RDH13: variants seen among roughly 807,000 people sequenced by gnomAD.
RDH13 encodes retinol dehydrogenase 13.
RDH13 carries 35 observed loss-of-function variants against 28.3 expected under a neutral mutation model. That is an observed-to-expected ratio of 1.24 (90% CI 0.95 to 1.64). The LOEUF is 1.64. Ranked by LOEUF, RDH13 falls within the 40% of genes most tolerant of loss-of-function variation. The pLI is 0.00. For missense variants in RDH13, 514 were observed against 446.3 expected (o/e 1.15, Z -1.37); for synonymous variants, 229 against 198.5 (o/e 1.15, Z -1.29).
intron 2 of RDH13, among the ~76,000 whole-genome samples, chr19:55,058,186 T>C (rs1012135925): frequency 4.0e-5 from 6 of 151,842 alleles, no homozygotes; most frequent in Non-Finnish European, 8.8e-5. Context: ...CCAAGGCAGG[T>C]GGATCACCTG....
At position 55,045,079 on chromosome 19, in the gene RDH13, T is replaced by C. The variant is rs1602696126; in HGVS notation, c.991A>G (p.Arg331Gly). ...TTTCAAATCTGCTCCAGAGGTTATC[T>C]GGGGAGGGGCTGCTCCCTCACAGAG... ...APSVREQPLP[R>G] is the part of the protein sequence containing the mutation. The change falls in exon 7 of 7, where the codon AGA becomes GGA. Residue 331 changes from arginine to glycine, a missense_variant. Coordinates refer to ENST00000415061, the MANE Select transcript of RDH13 (RefSeq NM_001145971.2). 9 of 1,597,044 alleles carry C rather than the reference T, an allele frequency of 5.6e-6. No homozygotes were observed. The highest frequency in any genetic ancestry group is 7.7e-6 in the Non-Finnish European group (9 of 1,172,428).
upstream of RDH13, among the ~76,000 whole-genome samples, chr19:55,066,498 T>C (rs1490790439): frequency 1.6e-5 from 1 of 61,470 alleles, no homozygotes; most frequent in Non-Finnish European, 3.5e-5. Flanking sequence ...TTTCTCTCTC[T>C]CTCTCCCTCT....
chr19:55,059,379 C>T (rs1456267115), intron 1 of RDH13, 104 bp from the exon 2 acceptor site: 1 of 696,546 alleles, frequency 1.4e-6, no homozygotes, highest in Admixed American at 2.3e-5. Flanking sequence ...ACTCACATAC[C>T]CCAACTGAAA....
intron 3 of RDH13, among the ~76,000 whole-genome samples, chr19:55,052,580 C>T (rs564271378): frequency 3.3e-5 from 5 of 151,516 alleles, no homozygotes; most frequent in Non-Finnish European, 7.4e-5. Flanking sequence ...GCAGCCTCAA[C>T]CTCCCAGGCT....
downstream of RDH13, chr19:55,040,360 G>C (rs964366226): frequency 6.6e-6 from 1 of 152,346 alleles, no homozygotes; most frequent in African/African-American, 2.4e-5. Context: ...GGGTTTCACC[G>C]TGTTAGCCAG....
At chr19:55,042,674 T>TC (rs1396273650), downstream of RDH13, 1 of 152,004 alleles carries the variant, frequency 6.6e-6, no homozygotes, top group Non-Finnish European at 1.5e-5. Context: ...GTCTTCCAAT[T>TC]CCCCCTCCTG....
At chr19:55,050,846 A>C (rs1022260953) in intron 3 of RDH13, 3 of 151,840 alleles carry the variant, frequency 2.0e-5, no homozygotes, top group Non-Finnish European at 2.9e-5. Flanking sequence ...ACACACAGAC[A>C]CCATCTGGTT....
downstream of RDH13, chr19:55,040,432 A>C (rs941365028): frequency 2.0e-5 from 3 of 152,248 alleles, no homozygotes; most frequent in African/African-American, 7.2e-5. Context: ...TACAGGCATG[A>C]GCCACCGCGC....
rs1482472865 is a variant in RDH13 at position 55,047,501 on chromosome 19, GAA to G, written c.659-15_659-14del. Reference sequence around the variant, plus strand: ...GTCACACCAGAGCCTGGGGAAGAAAGAAAGAGAAGACTGAGGGAGGGGTCCAG... The same window carrying G: ...GTCACACCAGAGCCTGGGGAAGAAAGAGAGAAGACTGAGGGAGGGGTCCAG... On this transcript the variant is annotated splice_polypyrimidine_tract_variant and intron_variant, in intron 5 of 6. Transcript: ENST00000415061. The G allele has an allele frequency of 1.3e-6, 2 of 1,599,256 alleles. No individual in the cohort carries two copies. The highest frequency in any genetic ancestry group is 1.7e-6 in the Non-Finnish European group (2 of 1,177,890).
downstream of RDH13, chr19:55,042,994 C>CT (rs1454552322): frequency 2.0e-5 from 3 of 152,272 alleles, no homozygotes; most frequent in African/African-American, 7.2e-5. Flanking sequence ...AAGCCAGTCG[C>CT]TACATCTCCC....
At chr19:55,043,006 C>G (rs1233353300), downstream of RDH13, 1 of 152,262 alleles carries the variant, frequency 6.6e-6, no homozygotes, top group East Asian at 1.9e-4. Context: ...ACATCTCCCC[C>G]ACACTCAAAG....
At chr19:55,047,622 T>A in intron 5 of RDH13, 134 bp from the exon 6 acceptor site, 3 of 1,407,010 alleles carry the variant, frequency 2.1e-6, no homozygotes, top group Non-Finnish European at 2.8e-6. Flanking sequence ...TCCCTCTTGC[T>A]CTGGAATCTT....
intron 3 of RDH13, among the ~76,000 whole-genome samples, chr19:55,054,993 C>G (rs1319010496): frequency 2.0e-5 from 3 of 152,134 alleles, no homozygotes; most frequent in East Asian, 3.9e-4. Context: ...TTAGTGTATT[C>G]TTGAGTCTAT....
chr19:55,058,846 A>G lies in RDH13; in HGVS notation c.184+311T>C, dbSNP rs60718650. 3.6e-3 allele frequency among the ~76,000 whole-genome samples: 542 copies of G among 152,144 alleles called. 4 individuals carry two copies. The highest frequency in any genetic ancestry group is 0.012 in the African/African-American group (514 of 41,518). On this transcript the variant is annotated intron_variant, in intron 2 of 6. Transcript: ENST00000415061. ...CAGGTGCCCACCACAACTCCTGGCT[A>G]ATTTTTGTATTTTTAGTAGAGAGGG... is the stretch of plus-strand genomic sequence containing the variant.
In RDH13 at chr19:55,045,091, G is replaced by C. The variant is rs2075163194; in HGVS notation, c.979C>G (p.Gln327Glu). 1.2e-6 allele frequency: 2 copies of C among 1,605,982 alleles called. No homozygotes were observed. The highest frequency in any genetic ancestry group is 8.5e-7 in the Non-Finnish European group (1 of 1,176,358). The change falls in exon 7 of 7, where the codon CAG becomes GAG. Residue 327 changes from glutamine (Q) to glutamate (E), a missense_variant. Transcript: ENST00000415061. ...VGLEAPSVREQPLPR is the reference protein window; with the variant it reads ...VGLEAPSVREEPLPR ...TCCAGAGGTTATCTGGGGAGGGGCT[G>C]CTCCCTCACAGAGGGAGCCTCTAAG...
At chr19:55,041,499 T>C (rs963017907), downstream of RDH13, 2 of 151,896 alleles carry the variant, frequency 1.3e-5, no homozygotes, top group Non-Finnish European at 2.9e-5. Flanking sequence ...GGAAGAATAT[T>C]ATCACTTCTT....
intron 3 of RDH13, among the ~76,000 whole-genome samples, chr19:55,056,200 ACGC>A (rs2075626818): frequency 6.6e-6 from 1 of 151,988 alleles, no homozygotes; most frequent in Admixed American, 6.6e-5. Flanking sequence ...GCAGTGGCCC[ACGC>A]CTGTAATCCC....
intron 2 of RDH13, among the ~76,000 whole-genome samples, chr19:55,058,031 C>T (rs1419534480): frequency 6.6e-6 from 1 of 151,998 alleles, no homozygotes; most frequent in African/African-American, 2.4e-5. Context: ...CTGCCTCAGC[C>T]TCCAAAAGTG....
At position 55,063,042 on chromosome 19, in the gene RDH13, G is replaced by GGTACA; in HGVS notation, c.-11_-10insTGTAC. ...GCAGGTAGCGGCTCATGCCGGGCCG[G>GGTACA]GGACAGGCGTCAGGCGTCAGGGGTC... On this transcript the variant is annotated 5_prime_UTR_variant, in exon 1 of 7. Transcript: ENST00000415061. 7.3e-7 allele frequency: 1 copy of GGTACA among 1,362,540 alleles called. No homozygotes were observed. The highest frequency in any genetic ancestry group is 1.6e-5 in the South Asian group (1 of 62,422). 84.4% of individuals were successfully genotyped at this position (1,362,540 alleles called of 1,614,324 possible). A position where few individuals can be genotyped will look rare whatever the true frequency, so the allele number is the denominator to read the frequency against.
Sources: gnomAD v4.1 joint callset for allele counts (sites outside exome capture counted in the v4.1 genomes callset) on GRCh38, gnomAD v4.1.1 for gene constraint, MANE v1.5 for transcripts, NCBI Gene and HGNC (gene_info 2026-07-23, HGNC 2026-07-21) for gene names.